PARP8: variants seen among roughly 807,000 people sequenced by gnomAD.
PARP8 encodes poly(ADP-ribose) polymerase family member 8.
In PARP8, 51 loss-of-function variants were observed where a neutral mutation model predicts 124.1. That is an observed-to-expected ratio of 0.41 (90% CI 0.33 to 0.52). The LOEUF (loss-of-function observed/expected upper bound fraction) is 0.52, where lower values mean the gene tolerates loss of function less well. PARP8 is among the 20% of genes least tolerant of loss of function. PARP8 has a pLI of 0.21. For missense variants in PARP8, 860 were observed against 1,018.9 expected, an observed-to-expected ratio of 0.84 and a Z score of 2.12; for synonymous variants, 391 against 361.5, an observed-to-expected ratio of 1.08 and a Z score of -0.93.
chr5:50,799,809 A>G (rs1742993142), intron 14 of PARP8, among the ~76,000 whole-genome samples: 1 of 152,148 alleles, frequency 6.6e-6, no homozygotes, highest in African/African-American at 2.4e-5. Context: ...GTAATAGAGC[A>G]CAAAGAGCTC....
rs932080818 is a variant in PARP8 at position 50,844,249 on chromosome 5, T to A, written c.*2181T>A. ...GATAATAAAGTAAGATGTCTTCTTA[T>A]GACAGTTAATTGAGTTGTATCATGA... On this transcript the variant is annotated 3_prime_UTR_variant, in exon 26 of 26. Coordinates refer to ENST00000281631, the MANE Select transcript of PARP8 (RefSeq NM_024615.4). 6 of 151,864 alleles carry A rather than the reference T, an allele frequency of 4.0e-5. No individual in the cohort carries two copies. Among genetic ancestry groups the A allele is most frequent in the African/African-American group, 1.2e-4 (5 of 41,424 alleles). 9.4% of individuals were successfully genotyped at this position (151,864 alleles called of 1,614,324 possible).
At chr5:50,668,341 C>G in intron 2 of PARP8, 3 of 581,592 alleles carry the variant, frequency 5.2e-6, no homozygotes, top group Non-Finnish European at 9.2e-6. Context: ...ACGCCACAGG[C>G]AATGAGCAGA....
intron 9 of PARP8, among the ~76,000 whole-genome samples, chr5:50,787,183 T>C (rs1447282278): frequency 3.9e-5 from 6 of 152,160 alleles, no homozygotes; most frequent in African/African-American, 1.4e-4. Context: ...ATCCAAAATG[T>C]TCATCACCTC....
intron 2 of PARP8, among the ~76,000 whole-genome samples, chr5:50,695,039 G>C (rs935355825): frequency 6.6e-6 from 1 of 152,166 alleles, no homozygotes; most frequent in African/African-American, 2.4e-5. Context: ...TACCCACCCA[G>C]ACTGACTCGG....
intron 2 of PARP8, among the ~76,000 whole-genome samples, chr5:50,681,038 T>C (rs1451771742): frequency 1.3e-5 from 2 of 152,148 alleles, no homozygotes; most frequent in Admixed American, 1.3e-4. Context: ...TCTTAAAAAC[T>C]AATTTATGTA....
At chr5:50,834,157 T>A in intron 24 of PARP8, 109 bp downstream of exon 24, 2 of 880,974 alleles carry the variant, frequency 2.3e-6, no homozygotes, top group South Asian at 1.8e-5. Context: ...AAAGCATTAT[T>A]CCTTATGATC....
rs73102884 is a variant in PARP8 at position 50,814,021 on chromosome 5, A to G, written c.1576-1411A>G. 5.0e-3 allele frequency among the ~76,000 whole-genome samples: 759 copies of G among 152,224 alleles called. 10 individuals are homozygous for G. Among genetic ancestry groups the G allele is most frequent in the African/African-American group, 0.018 (732 of 41,538 alleles). On this transcript the variant is annotated intron_variant, in intron 14 of 25. Coordinates refer to ENST00000281631, the MANE Select transcript of PARP8 (RefSeq NM_024615.4). ...TTAAAAACAAAGTGCCCTTTGTGTC[A>G]CTGTTTACTTCCTCAGTAGTTGATA...
At chr5:50,829,709 C>G (rs1746735042) in intron 21 of PARP8, among the ~76,000 whole-genome samples, 183 bp from the exon 22 acceptor site, 1 of 151,984 alleles carries the variant, frequency 6.6e-6, no homozygotes, top group South Asian at 2.1e-4. Flanking sequence ...AATATTTTTC[C>G]TCTAGATACC....
intron 12 of PARP8, among the ~76,000 whole-genome samples, chr5:50,795,773 G>A (rs1742471190): frequency 6.6e-6 from 1 of 152,162 alleles, no homozygotes; most frequent in Non-Finnish European, 1.5e-5. Flanking sequence ...TCTAATCTCT[G>A]GTCTTCTCAC....
chr5:50,719,026 C>T (rs547831777), intron 2 of PARP8, among the ~76,000 whole-genome samples: 7 of 151,908 alleles, frequency 4.6e-5, no homozygotes, highest in Non-Finnish European at 8.8e-5. Flanking sequence ...GAGATGGTAA[C>T]TCATTGTAGT....
intron 2 of PARP8, among the ~76,000 whole-genome samples, chr5:50,718,915 A>G (rs1580083383): frequency 6.6e-6 from 1 of 151,890 alleles, no homozygotes; most frequent in African/African-American, 2.4e-5. Context: ...TAGTGGCTGT[A>G]CTAATTCCCA....
chr5:50,763,157 G>T lies in PARP8; in HGVS notation c.433G>T (p.Asp145Tyr). 2 of 1,612,606 alleles carry T rather than the reference G, an allele frequency of 1.2e-6. No homozygotes were observed. The highest frequency in any genetic ancestry group is 8.5e-7 in the Non-Finnish European group (1 of 1,178,704). The change falls in exon 7 of 26, where the codon GAT becomes TAT. Residue 145 changes from aspartate (D) to tyrosine (Y), a missense_variant. By Grantham distance (160) the Asp-to-Tyr change is radical (BLOSUM62 -3). Transcript: ENST00000281631. ...EFYYGGQVNY[D>Y]GELHKHPQLE... is the part of the protein sequence containing the mutation. ...TATCCCTTTTCATCAGGTGAACTAT[G>T]ATGGGGAACTGCACAAGCACCCACA...
intron 2 of PARP8, among the ~76,000 whole-genome samples, chr5:50,733,024 G>A (rs552607012): frequency 3.9e-5 from 6 of 151,944 alleles, no homozygotes; most frequent in African/African-American, 1.4e-4. Context: ...GTGAAAGGCC[G>A]GGCGCGGTGG....
chr5:50,738,132 A>G (rs1351414455), intron 2 of PARP8, among the ~76,000 whole-genome samples: 1 of 152,200 alleles, frequency 6.6e-6, no homozygotes, highest in Non-Finnish European at 1.5e-5. Flanking sequence ...CAAGAAAAGC[A>G]GTGGATAGGA....
intron 2 of PARP8, among the ~76,000 whole-genome samples, chr5:50,747,141 GTTTTTTTTGTTTGTTTGTTTTGTT>G (rs1233468488): frequency 1.6e-4 from 13 of 80,906 alleles, no homozygotes; most frequent in South Asian, 4.9e-4. Context: ...TTCAGTTATG[GTTTTTTTTGTTTGTTTGTTTTGTT>G]TTTTTTTTTT....
intron 3 of PARP8, among the ~76,000 whole-genome samples, chr5:50,758,032 T>C (rs113580602): frequency 0.015 from 2,241 of 152,182 alleles, 58 homozygotes; most frequent in African/African-American, 0.052. Flanking sequence ...AGCAACCGAC[T>C]TCAAATCAGT....
At chr5:50,669,348 T>G (rs904288933) in intron 2 of PARP8, 2 of 152,242 alleles carry the variant, frequency 1.3e-5, no homozygotes, top group African/African-American at 2.4e-5. Flanking sequence ...TCCTACACAT[T>G]ATATCTAAAG....
intron 3 of PARP8, among the ~76,000 whole-genome samples, chr5:50,754,903 G>A (rs569239075): frequency 6.6e-5 from 10 of 152,256 alleles, no homozygotes; most frequent in Middle Eastern, 3.4e-3. Flanking sequence ...GTATCTCATT[G>A]TGGTTTTGAT....
At chr5:50,741,546 A>T (rs1444225439) in intron 2 of PARP8, among the ~76,000 whole-genome samples, 1 of 152,198 alleles carries the variant, frequency 6.6e-6, no homozygotes, top group Non-Finnish European at 1.5e-5. Context: ...CATTTAACTT[A>T]CAGTGTAATA....
Sources: allele counts gnomAD v4.1 joint callset (sites outside exome capture counted in the v4.1 genomes callset), GRCh38; gene constraint gnomAD v4.1.1; transcripts MANE v1.5; gene names NCBI Gene and HGNC (gene_info 2026-07-23, HGNC 2026-07-21).